The following RIMKLB variants were observed in gnomAD, a reference collection of about 807,000 sequenced individuals.
RIMKLB encodes ribosomal modification protein rimK like family member B.
A neutral mutation model predicts 32.0 loss-of-function variants in RIMKLB; 7 were observed. The observed-to-expected ratio is 0.22, with a 90% CI of 0.12 to 0.41. The LOEUF (loss-of-function observed/expected upper bound fraction) is 0.41, where lower values mean the gene tolerates loss of function less well. Among genes scored for constraint, RIMKLB ranks in the 10% least tolerant of loss-of-function variants. The probability of loss-of-function intolerance (pLI) is 1.00; values close to 1 mark genes in which losing one functional copy is unlikely to be tolerated. For synonymous variants in RIMKLB, 172 were observed against 185.1 expected (o/e 0.93, Z 0.57); for missense variants, 289 against 498.7 (o/e 0.58, Z 4.00).
At chr12:8,722,418 T>C (rs1045103063) in intron 2 of RIMKLB, among the ~76,000 whole-genome samples, 3 of 152,138 alleles carry the variant, frequency 2.0e-5, no homozygotes, top group African/African-American at 7.2e-5. Flanking sequence ...GCTAAAGATA[T>C]TTAGTAAACC....
At chr12:8,760,115 C>T (rs924515080) in intron 5 of RIMKLB, among the ~76,000 whole-genome samples, 2 of 151,950 alleles carry the variant, frequency 1.3e-5, no homozygotes, top group South Asian at 2.1e-4. Flanking sequence ...CCACAACAGG[C>T]CCCCGTGTGT....
intron 1 of RIMKLB, among the ~76,000 whole-genome samples, chr12:8,713,532 G>T (rs1396380907): frequency 6.6e-6 from 1 of 152,140 alleles, no homozygotes; most frequent in Non-Finnish European, 1.5e-5. Flanking sequence ...ATTGGGAAGG[G>T]TATTTAAACT....
chr12:8,718,143 A>G (rs781650644), intron 2 of RIMKLB, among the ~76,000 whole-genome samples: 2 of 152,104 alleles, frequency 1.3e-5, no homozygotes, highest in East Asian at 1.9e-4. Context: ...CATTTCCTCT[A>G]TGGAAATGGA....
upstream of RIMKLB, among the ~76,000 whole-genome samples, chr12:8,695,718 C>G (rs1324186069): frequency 7.7e-6 from 1 of 130,316 alleles, no homozygotes; most frequent in Non-Finnish European, 1.6e-5. Context: ...TTTTTTGAGA[C>G]AGAGTTTTGC....
At chr12:8,713,723 A>G (rs1944566356) in intron 1 of RIMKLB, 88 bp from the exon 2 acceptor site, 5 of 808,500 alleles carry the variant, frequency 6.2e-6, no homozygotes, top group South Asian at 4.9e-5. Context: ...TATAATTAGT[A>G]TATAATCACG....
At position 8,776,904 on chromosome 12, in the gene RIMKLB, C is replaced by T. The variant is rs1950759177; in HGVS notation, c.*3120C>T. 1.0e-6 allele frequency: 1 copy of T among 985,624 alleles called. No individual in the cohort carries two copies. The highest frequency in any genetic ancestry group is 1.7e-5 in the African/African-American group (1 of 57,220). 61.1% of individuals were successfully genotyped at this position (985,624 alleles called of 1,614,324 possible). On this transcript the variant is annotated 3_prime_UTR_variant, in exon 6 of 6. Transcript: ENST00000535829. ...TCTCAAGAAGAAAGCAATGGAGAAG[C>T]AAATTTGTTTCATTCAGTGAATCCC...
chr12:8,757,009 T>C (rs189380416), intron 5 of RIMKLB, among the ~76,000 whole-genome samples: 1 of 152,122 alleles, frequency 6.6e-6, no homozygotes, highest in African/African-American at 2.4e-5. Flanking sequence ...AAAAATGACT[T>C]CTGCCTCCTT....
intron 5 of RIMKLB, among the ~76,000 whole-genome samples, chr12:8,771,146 T>G (rs960424421): frequency 2.0e-5 from 3 of 152,164 alleles, no homozygotes; most frequent in African/African-American, 7.2e-5. Context: ...ACATAATTGA[T>G]AACCATGTAA....
chr12:8,735,761 G>A (rs1946944711), intron 2 of RIMKLB, among the ~76,000 whole-genome samples: 1 of 150,196 alleles, frequency 6.7e-6, no homozygotes, highest in African/African-American at 2.5e-5. Context: ...ACGTAGTTTC[G>A]CTCTTATTGC....
chr12:8,728,751 A>G (rs113954144), intron 2 of RIMKLB, among the ~76,000 whole-genome samples: 5,024 of 150,822 alleles, frequency 0.033, 280 homozygotes, highest in African/African-American at 0.12. Flanking sequence ...GTCTGCCACC[A>G]TGCTCTGCTA....
chr12:8,777,698 CG>C, downstream of RIMKLB: 2 of 1,287,072 alleles, frequency 1.6e-6, no homozygotes, highest in Non-Finnish European at 1.0e-6. Flanking sequence ...TGAGAACTTT[CG>C]GGGTCAGTGC....
intron 1 of RIMKLB, among the ~76,000 whole-genome samples, chr12:8,690,965 T>G (rs1591601594): frequency 1.3e-5 from 2 of 151,972 alleles, no homozygotes; most frequent in South Asian, 4.2e-4. Context: ...CCAAACCCAG[T>G]AGGGTTAGAA....
upstream of RIMKLB, among the ~76,000 whole-genome samples, chr12:8,692,352 G>T (rs1942756957): frequency 6.6e-6 from 1 of 152,232 alleles, no homozygotes; most frequent in Non-Finnish European, 1.5e-5. Flanking sequence ...AAACTTTCAT[G>T]TGTCTAAAGA....
chr12:8,769,273 A>AT (rs111882483), intron 5 of RIMKLB, among the ~76,000 whole-genome samples: 10 of 150,348 alleles, frequency 6.7e-5, no homozygotes, highest in African/African-American at 2.2e-4. Context: ...GGCCTGTAAC[A>AT]TTTTTTTTTA....
chr12:8,671,493 G>A, the RIMKLB span, among the ~76,000 whole-genome samples: 1 of 152,234 alleles, frequency 6.6e-6, no homozygotes, highest in South Asian at 2.1e-4. Flanking sequence ...CAGGTGATCT[G>A]CCCGCCTCGG....
At chr12:8,756,257 G>A (rs1217931578) in intron 5 of RIMKLB, among the ~76,000 whole-genome samples, 1 of 152,054 alleles carries the variant, frequency 6.6e-6, no homozygotes, top group Non-Finnish European at 1.5e-5. Flanking sequence ...GGCGGTCGAG[G>A]CTGCAGTGAA....
chr12:8,745,177 G>A (rs1478503015), intron 2 of RIMKLB, among the ~76,000 whole-genome samples: 5 of 151,868 alleles, frequency 3.3e-5, no homozygotes, highest in Non-Finnish European at 7.4e-5. Flanking sequence ...TTGAACTCCT[G>A]ACCTCAAGTG....
intron 1 of RIMKLB, among the ~76,000 whole-genome samples, chr12:8,682,745 CG>C (rs1056439581): frequency 2.1e-5 from 3 of 141,846 alleles, no homozygotes; most frequent in African/African-American, 2.6e-5. Context: ...GCAGCCCCGC[CG>C]GGGGGGAGGG....
chr12:8,678,667 C>G (rs1942358997), upstream of RIMKLB: 2 of 152,204 alleles, frequency 1.3e-5, no homozygotes, highest in South Asian at 4.1e-4. Flanking sequence ...TAATTTCAGT[C>G]TTTGAAAGAA....
Sources: gnomAD v4.1 joint callset for allele counts (sites outside exome capture counted in the v4.1 genomes callset) on GRCh38, gnomAD v4.1.1 for gene constraint, MANE v1.5 for transcripts, NCBI Gene and HGNC (gene_info 2026-07-23, HGNC 2026-07-21) for gene names.